CCDC13: variants seen among roughly 807,000 people sequenced by gnomAD.
CCDC13 encodes coiled-coil domain-containing protein 13.
CCDC13 carries 70 observed loss-of-function variants against 87.3 expected under a neutral mutation model. The observed-to-expected ratio is 0.80, with a 90% CI of 0.66 to 0.98. The LOEUF (loss-of-function observed/expected upper bound fraction) is 0.98. CCDC13 is among the 50% of genes least tolerant of loss of function. The pLI is 0.00. For synonymous variants in CCDC13, 317 were observed against 360.3 expected (o/e 0.88, Z 1.36); for missense variants, 842 against 892.0 (o/e 0.94, Z 0.71).
intron 5 of CCDC13, among the ~76,000 whole-genome samples, chr3:42,748,841 G>A (rs938776650): frequency 5.3e-5 from 8 of 151,958 alleles, no homozygotes; most frequent in African/African-American, 1.7e-4. Context: ...TGCAACCTCC[G>A]CCCCCCCGGG....
At chr3:42,760,665 C>T (rs1432866925) in intron 1 of CCDC13, among the ~76,000 whole-genome samples, 6 of 150,540 alleles carry the variant, frequency 4.0e-5, no homozygotes, top group East Asian at 2.0e-4. Flanking sequence ...GCCAAGATTG[C>T]GCCATGGCAC....
Position 42,751,946 on chromosome 3 carries a change from T to C in CCDC13, c.593A>G (p.Asp198Gly). The change falls in exon 5 of 16, where the codon GAC becomes GGC. Residue 198 changes from aspartate (D) to glycine (G), a missense_variant. Asp to Gly is a moderately conservative substitution (Grantham distance 94, BLOSUM62 -1). Transcript: ENST00000310232. The stretch of plus-strand genomic sequence containing the variant: ...GAAGAGAATTCATACCAATGCTCTG[T>C]CTCCCATCTGGGCCCTCGGTGGCTT... ...GAKPPRAQMG[D>G]RALLETPEVK... is the part of the protein sequence containing the mutation. 1 of 1,612,188 alleles carries C rather than the reference T, an allele frequency of 6.2e-7. No individual in the cohort carries two copies. Among genetic ancestry groups the C allele is most frequent in the Non-Finnish European group, 8.5e-7 (1 of 1,179,938 alleles).
At chr3:42,756,799 T>C (rs997483934) in intron 3 of CCDC13, among the ~76,000 whole-genome samples, 3 of 152,168 alleles carry the variant, frequency 2.0e-5, no homozygotes, top group Non-Finnish European at 4.4e-5. Context: ...ATCACCAACA[T>C]TGCCTATGAT....
intron 13 of CCDC13, among the ~76,000 whole-genome samples, chr3:42,717,583 C>T (rs1698462824): frequency 6.6e-6 from 1 of 152,048 alleles, no homozygotes; most frequent in African/African-American, 2.4e-5. Flanking sequence ...GTAATCAGTG[C>T]CACTGAATTG....
chr3:42,755,100 TG>T (rs2125907360), intron 3 of CCDC13, among the ~76,000 whole-genome samples: 1 of 152,318 alleles, frequency 6.6e-6, no homozygotes, highest in East Asian at 1.9e-4. Flanking sequence ...GGGACCTGAA[TG>T]GTGGTAAAGT....
intron 14 of CCDC13, among the ~76,000 whole-genome samples, chr3:42,712,061 C>T (rs185925006): frequency 2.6e-5 from 4 of 152,254 alleles, no homozygotes; most frequent in Admixed American, 2.6e-4. Flanking sequence ...AGCTCCTGGC[C>T]CTGCTGGTGG....
At chr3:42,764,442 C>T (rs1332828591) in intron 1 of CCDC13, among the ~76,000 whole-genome samples, 1 of 152,246 alleles carries the variant, frequency 6.6e-6, no homozygotes, top group Non-Finnish European at 1.5e-5. Flanking sequence ...CATCGTCCCA[C>T]ACGGACAGCA....
At chr3:42,724,367 C>G (rs548989278) in intron 13 of CCDC13, among the ~76,000 whole-genome samples, 11 of 152,228 alleles carry the variant, frequency 7.2e-5, no homozygotes, top group Non-Finnish European at 1.5e-4. Flanking sequence ...TCAGCAGGCT[C>G]TACAACTTTT....
chr3:42,715,296 C>T (rs1253396650), intron 13 of CCDC13, among the ~76,000 whole-genome samples: 7 of 134,940 alleles, frequency 5.2e-5, no homozygotes, highest in East Asian at 2.2e-4. Flanking sequence ...GCAACAGGAG[C>T]GAAACTCTGT....
At chr3:42,739,952 C>A in intron 8 of CCDC13, 142 bp from the exon 9 acceptor site, 1 of 749,190 alleles carries the variant, frequency 1.3e-6, no homozygotes, top group East Asian at 2.6e-5. Context: ...TCACTAGAGC[C>A]AGGGCCCTGA....
At chr3:42,754,588 AC>A (rs1476361079) in intron 3 of CCDC13, among the ~76,000 whole-genome samples, 1 of 152,186 alleles carries the variant, frequency 6.6e-6, no homozygotes, top group Admixed American at 6.5e-5. Context: ...GCTGAATACA[AC>A]CAAAAGCCCT....
intron 14 of CCDC13, among the ~76,000 whole-genome samples, chr3:42,711,961 CA>C (rs1698322552): frequency 9.2e-5 from 14 of 152,088 alleles, no homozygotes; most frequent in Admixed American, 9.2e-4. Context: ...CTGGAGAAGC[CA>C]CACTCCTAGG....
chr3:42,733,042 G>C, intron 11 of CCDC13, 72 bp from the exon 12 acceptor site: 1 of 1,283,548 alleles, frequency 7.8e-7, no homozygotes, highest in Non-Finnish European at 1.1e-6. Context: ...ACCTCTGCAT[G>C]TGAGGTGGAG....
intron 13 of CCDC13, among the ~76,000 whole-genome samples, chr3:42,726,952 CA>C (rs1176210666): frequency 6.6e-6 from 1 of 151,954 alleles, no homozygotes; most frequent in Non-Finnish European, 1.5e-5. Flanking sequence ...TTCTTTTTAG[CA>C]ATAGTAGATG....
chr3:42,769,756 G>A (rs115548454), intron 1 of CCDC13, among the ~76,000 whole-genome samples: 1,956 of 152,368 alleles, frequency 0.013, 33 homozygotes, highest in African/African-American at 0.037. Context: ...AGCGCTTGCC[G>A]GCCAGTGAGG....
In CCDC13 at chr3:42,707,345, A is replaced by G. The variant is rs576283765; in HGVS notation, c.*1635T>C. ...CCAGAGAAAAACTCTTCCTTCCCAGAGACCCTTAGGACCCCACCAGAATCA... is the reference window on the plus strand; with the variant it reads ...CCAGAGAAAAACTCTTCCTTCCCAGGGACCCTTAGGACCCCACCAGAATCA... On this transcript the variant is annotated 3_prime_UTR_variant, in exon 16 of 16. Coordinates refer to ENST00000310232, the MANE Select transcript of CCDC13 (RefSeq NM_144719.4). 2.0e-5 allele frequency among the ~76,000 whole-genome samples: 3 copies of G among 152,250 alleles called. No homozygotes were observed. Among genetic ancestry groups the G allele is most frequent in the Middle Eastern group, 6.8e-3 (2 of 294 alleles).
chr3:42,709,734 G>T lies in CCDC13; in HGVS notation c.1938C>A (p.Ala646=), dbSNP rs763185307. Residue 646 remains alanine (A), a synonymous_variant, in exon 15 of 16, where the codon GCC becomes GCA. Transcript: ENST00000310232. ...ATTCCACGGGCACATCGGAGAGCTG[G>T]GCAAAGGATGGGTCCTTCTTCTCGC... ...TGSEKKDPSF[A]QLSDVPVESQ... is the part of the protein sequence containing the mutation. 6.2e-7 allele frequency: 1 copy of T among 1,614,192 alleles called. No homozygotes were observed. The highest frequency in any genetic ancestry group is 8.5e-7 in the Non-Finnish European group (1 of 1,180,036).
intron 14 of CCDC13, among the ~76,000 whole-genome samples, chr3:42,711,741 G>A (rs1196749994): frequency 6.6e-6 from 1 of 152,216 alleles, no homozygotes; most frequent in Non-Finnish European, 1.5e-5. Context: ...TTTTACGGAT[G>A]GGCCAGGGGG....
At chr3:42,734,921 T>G (rs1698956678) in intron 10 of CCDC13, among the ~76,000 whole-genome samples, 1 of 152,236 alleles carries the variant, frequency 6.6e-6, no homozygotes, top group South Asian at 2.1e-4. Context: ...AGACAAGCAT[T>G]TATTGAGCAT....
Sources: allele counts gnomAD v4.1 joint callset (sites outside exome capture counted in the v4.1 genomes callset), GRCh38; gene constraint gnomAD v4.1.1; transcripts MANE v1.5; gene names NCBI Gene and HGNC (gene_info 2026-07-23, HGNC 2026-07-21).